The following OSBPL6 variants were observed in gnomAD, a reference collection of about 807,000 sequenced individuals.
OSBPL6 encodes oxysterol-binding protein-related protein 6.
OSBPL6 carries 49 observed loss-of-function variants against 125.8 expected under a neutral mutation model. The observed-to-expected ratio is 0.39, with a 90% CI of 0.31 to 0.49. The LOEUF is 0.49. Ranked by LOEUF, OSBPL6 falls within the 20% of genes least tolerant of loss-of-function variation. The pLI is 0.88. For missense variants in OSBPL6, 986 were observed against 1,135.4 expected, an observed-to-expected ratio of 0.87 and a Z score of 1.89; for synonymous variants, 394 against 391.8, an observed-to-expected ratio of 1.01 and a Z score of -0.07.
chr2:178,332,790 C>T (rs774325866), intron 7 of OSBPL6, 36 bp downstream of exon 7: 3 of 1,610,146 alleles, frequency 1.9e-6, no homozygotes, highest in Non-Finnish European at 2.5e-6. Flanking sequence ...CTGCCATTAT[C>T]AGGGGAAACG....
At position 178,375,619 on chromosome 2, in the gene OSBPL6, C is replaced by A. The variant is rs973499820; in HGVS notation, c.1533+1592C>A. Among the ~76,000 whole-genome samples, 69 of 152,160 alleles carry A rather than the reference C, an allele frequency of 4.5e-4. 1 individual carries two copies. The highest frequency in any genetic ancestry group is 4.4e-3 in the Admixed American group (67 of 15,280). Reference sequence around the variant, plus strand: ...GTTTTTTTTAGTAGAGACAGGATTTCTCCATGTTGGTCAGGCTGGTCTCGA... The same window carrying A: ...GTTTTTTTTAGTAGAGACAGGATTTATCCATGTTGGTCAGGCTGGTCTCGA... On this transcript the variant is annotated intron_variant, in intron 15 of 24. Coordinates refer to ENST00000190611, the MANE Select transcript of OSBPL6 (RefSeq NM_032523.4).
intron 1 of OSBPL6, among the ~76,000 whole-genome samples, chr2:178,254,725 C>T (rs1357476200): frequency 1.3e-5 from 2 of 152,066 alleles, no homozygotes; most frequent in Non-Finnish European, 2.9e-5. Context: ...ACTTAAAATG[C>T]CAGGGAGTAG....
At chr2:178,311,119 C>T (rs752444721) in intron 3 of OSBPL6, among the ~76,000 whole-genome samples, 6 of 152,194 alleles carry the variant, frequency 3.9e-5, no homozygotes, top group African/African-American at 7.2e-5. Flanking sequence ...CCACTGTCTA[C>T]GATGCCATTC....
intron 1 of OSBPL6, among the ~76,000 whole-genome samples, chr2:178,231,303 C>T (rs1410382720): frequency 6.6e-6 from 1 of 152,130 alleles, no homozygotes; most frequent in African/African-American, 2.4e-5. Context: ...TTCCACTTGG[C>T]CAGGCCACCT....
intron 1 of OSBPL6, among the ~76,000 whole-genome samples, chr2:178,213,780 T>A (rs1399791098): frequency 6.6e-6 from 1 of 152,242 alleles, no homozygotes; most frequent in Non-Finnish European, 1.5e-5. Flanking sequence ...TGACTGGTCA[T>A]CTTTTAGGTG....
chr2:178,302,301 A>G (rs1686366406), intron 2 of OSBPL6, among the ~76,000 whole-genome samples: 1 of 152,168 alleles, frequency 6.6e-6, no homozygotes, highest in Non-Finnish European at 1.5e-5. Context: ...TTTCTCATTG[A>G]GTATAGTAAT....
chr2:178,385,603 GT>G, intron 19 of OSBPL6, 82 bp downstream of exon 19: 1 of 1,067,324 alleles, frequency 9.4e-7, no homozygotes. Context: ...ACTGTATTCA[GT>G]TTAGATTTCT....
At chr2:178,341,333 C>CTTTTTTTTT (rs60436384) in intron 11 of OSBPL6, among the ~76,000 whole-genome samples, 2 of 117,406 alleles carry the variant, frequency 1.7e-5, no homozygotes, top group Admixed American at 8.7e-5. Flanking sequence ...CCAAATCATT[C>CTTTTTTTTT]TTTTTTTTTT....
At chr2:178,365,639 G>C (rs984440721) in intron 13 of OSBPL6, among the ~76,000 whole-genome samples, 2 of 152,020 alleles carry the variant, frequency 1.3e-5, no homozygotes, top group African/African-American at 4.8e-5. Context: ...TCGCACCATT[G>C]CACTCCAGCC....
intron 1 of OSBPL6, among the ~76,000 whole-genome samples, chr2:178,268,049 A>T (rs1235467924): frequency 6.6e-6 from 1 of 152,030 alleles, no homozygotes; most frequent in East Asian, 1.9e-4. Flanking sequence ...TAAAGGTTTT[A>T]AAGTAAATAT....
At position 178,349,336 on chromosome 2, in the gene OSBPL6, G is replaced by A. The variant is rs1245431185; in HGVS notation, c.1100G>A (p.Ser367Asn). 3 of 1,614,052 alleles carry A rather than the reference G, an allele frequency of 1.9e-6. No homozygotes were observed. In the African/African-American group the frequency reaches 4.0e-5, roughly 22 times the overall value. Residue 367 changes from serine (S) to asparagine (N), a missense_variant, in exon 12 of 25, where the codon AGT (serine) becomes AAT (asparagine). By Grantham distance (46) the Ser-to-Asn change is conservative. This residue lies in a region of OSBPL6 where 843 missense variants were observed against 997.3 expected (regional missense o/e 0.85). Transcript: ENST00000190611. ...AGCCACCTCACTGACCCTCTGGAAAGTTCAACAGATTATACAAAGCTGCAA... is the reference window on the plus strand; with the variant it reads ...AGCCACCTCACTGACCCTCTGGAAAATTCAACAGATTATACAAAGCTGCAA... ...PPSHLTDPLE[S>N]STDYTKLQEE... is the part of the protein sequence containing the mutation.
rs577762654 is a variant in OSBPL6, at chr2:178,281,479, T to C, written c.-350-3448T>C. On this transcript the variant is annotated intron_variant, in intron 1 of 24. Coordinates refer to ENST00000190611, the MANE Select transcript of OSBPL6 (RefSeq NM_032523.4). ...TAAGGAAGGGGTCCAGTTTCAGTTT[T>C]CTGCATATGGCTAGCCAGTTCTCCC... Among the ~76,000 whole-genome samples, 4 of 152,348 alleles carry C rather than the reference T, an allele frequency of 2.6e-5. No homozygotes were observed. The East Asian group carries it at 7.7e-4, about 29-fold the overall frequency.
Position 178,224,985 on chromosome 2 carries a change from CTGCT to C in OSBPL6, c.-351+30313_-351+30316del, listed in dbSNP as rs1369693904. ...TCTCTGTCTCTCTCTTTATCTCTCT[CTGCT>C]TCTCTCTCTCTCTTTCTCTCTCTCT... On this transcript the variant is annotated intron_variant, in intron 1 of 24. Coordinates refer to ENST00000190611, the MANE Select transcript of OSBPL6 (RefSeq NM_032523.4). Among the ~76,000 whole-genome samples, 43 of 138,976 alleles carry C rather than the reference CTGCT, an allele frequency of 3.1e-4. No individual in the cohort carries two copies. In the East Asian group the frequency reaches 9.1e-3, roughly 29 times the overall value. 91.2% of individuals were successfully genotyped at this position (138,976 alleles called of 152,430 possible). A position where few individuals can be genotyped will look rare whatever the true frequency, so the allele number is the denominator to read the frequency against.
At chr2:178,291,301 C>T (rs537375918) in intron 2 of OSBPL6, among the ~76,000 whole-genome samples, 3 of 152,086 alleles carry the variant, frequency 2.0e-5, no homozygotes, top group Non-Finnish European at 2.9e-5. Context: ...CTGCATCATA[C>T]GCAGGTGTTC....
intron 1 of OSBPL6, among the ~76,000 whole-genome samples, chr2:178,225,584 A>T (rs1373010728): frequency 6.6e-6 from 1 of 152,198 alleles, no homozygotes; most frequent in African/African-American, 2.4e-5. Context: ...GTTTGTTTCC[A>T]TGCTGCTGAT....
At chr2:178,371,525 A>G (rs1280981392) in intron 13 of OSBPL6, among the ~76,000 whole-genome samples, 2 of 152,276 alleles carry the variant, frequency 1.3e-5, no homozygotes, top group African/African-American at 2.4e-5. Context: ...CAGTGTCTAC[A>G]CTGTTGAGTG....
At chr2:178,203,329 C>G (rs1434086789) in intron 1 of OSBPL6, among the ~76,000 whole-genome samples, 1 of 152,136 alleles carries the variant, frequency 6.6e-6, no homozygotes, top group South Asian at 2.1e-4. Context: ...TAGGCTTATA[C>G]CACTGTGCCT....
At chr2:178,356,716 T>G (rs1691826119) in intron 12 of OSBPL6, among the ~76,000 whole-genome samples, 1 of 152,230 alleles carries the variant, frequency 6.6e-6, no homozygotes, top group African/African-American at 2.4e-5. Context: ...AATGACTTTC[T>G]TCACAGAATT....
At chr2:178,246,058 A>G (rs908809388) in intron 1 of OSBPL6, among the ~76,000 whole-genome samples, 6 of 151,974 alleles carry the variant, frequency 3.9e-5, no homozygotes, top group South Asian at 2.1e-4. Flanking sequence ...CTCTCACTCC[A>G]TCAGTTACAT....
Sources: allele counts gnomAD v4.1 joint callset (sites outside exome capture counted in the v4.1 genomes callset), GRCh38; gene constraint gnomAD v4.1.1; regional missense constraint gnomAD v4.1.1; transcripts MANE v1.5; gene names NCBI Gene and HGNC (gene_info 2026-07-23, HGNC 2026-07-21).